The following TMEM108 variants were observed in gnomAD, a reference collection of about 807,000 sequenced individuals.
TMEM108 encodes the protein transmembrane protein 108.
A neutral mutation model predicts 35.1 loss-of-function variants in TMEM108; 12 were observed. The ratio of observed to expected loss-of-function variants is 0.34; its 90% CI spans 0.22 to 0.55. TMEM108 has a LOEUF of 0.55. Ranked by LOEUF, TMEM108 falls within the 20% of genes least tolerant of loss-of-function variation. The probability of loss-of-function intolerance (pLI) is 0.89; values close to 1 mark genes in which losing one functional copy is unlikely to be tolerated. For synonymous variants in TMEM108, 287 were observed against 308.6 expected (o/e 0.93, Z 0.73); for missense variants, 680 against 753.3 (o/e 0.90, Z 1.14).
At position 133,064,065 on chromosome 3, in the gene TMEM108, T is replaced by C. The variant is rs78575641; in HGVS notation, c.-47+18045T>C. ...CCCAGTTACTTGTGTTTCTTTTGTCTGGACAGAAGAAAGCGGTAATGTCTG... is the reference window on the plus strand; with the variant it reads ...CCCAGTTACTTGTGTTTCTTTTGTCCGGACAGAAGAAAGCGGTAATGTCTG... On this transcript the variant is annotated intron_variant, in intron 2 of 5. Transcript: ENST00000321871. 4.8e-3 allele frequency among the ~76,000 whole-genome samples: 729 copies of C among 152,292 alleles called. 2 individuals carry two copies. Among genetic ancestry groups the C allele is most frequent in the African/African-American group, 0.017 (687 of 41,562 alleles).
intron 3 of TMEM108, among the ~76,000 whole-genome samples, chr3:133,258,724 A>G (rs185618964): frequency 6.6e-6 from 1 of 152,310 alleles, no homozygotes; most frequent in East Asian, 1.9e-4. Flanking sequence ...CTTTGCATGA[A>G]GCAAAAGGAA....
At chr3:133,254,691 C>T (rs1462742521) in intron 3 of TMEM108, among the ~76,000 whole-genome samples, 3 of 152,184 alleles carry the variant, frequency 2.0e-5, no homozygotes, top group Admixed American at 2.0e-4. Context: ...TGAATATGAA[C>T]TACTTGATAT....
At chr3:133,363,563 A>G (rs2072419594) in intron 3 of TMEM108, among the ~76,000 whole-genome samples, 1 of 151,650 alleles carries the variant, frequency 6.6e-6, no homozygotes, top group Non-Finnish European at 1.5e-5. Flanking sequence ...GCACCACCAC[A>G]CCCAGCTAAT....
At chr3:133,377,753 G>A (rs2107833397) in intron 3 of TMEM108, among the ~76,000 whole-genome samples, 1 of 152,330 alleles carries the variant, frequency 6.6e-6, no homozygotes, top group African/African-American at 2.4e-5. Flanking sequence ...TGGCCTGTTA[G>A]GAACCAGGCT....
intron 2 of TMEM108, among the ~76,000 whole-genome samples, chr3:133,212,951 G>A (rs1945855173): frequency 6.6e-6 from 1 of 151,516 alleles, no homozygotes; most frequent in Non-Finnish European, 1.5e-5. Flanking sequence ...GGAAGTGAAG[G>A]ATATTCCTGC....
intron 3 of TMEM108, among the ~76,000 whole-genome samples, chr3:133,378,827 TTCAAAAGGGCTCCTTCTAC>T (rs1184457885): frequency 6.6e-6 from 1 of 151,254 alleles, no homozygotes; most frequent in Non-Finnish European, 1.5e-5. Flanking sequence ...TTTTTTAATG[TTCAAAAGGGCTCCTTCTAC>T]TCAAAAAGGC....
At chr3:133,189,232 T>C (rs1945464336) in intron 2 of TMEM108, among the ~76,000 whole-genome samples, 1 of 152,204 alleles carries the variant, frequency 6.6e-6, no homozygotes, top group Non-Finnish European at 1.5e-5. Flanking sequence ...ATCTAGTGGT[T>C]TGGCAAATAT....
intron 2 of TMEM108, among the ~76,000 whole-genome samples, chr3:133,070,007 G>C (rs1471541241): frequency 6.6e-6 from 1 of 152,002 alleles, no homozygotes; most frequent in Non-Finnish European, 1.5e-5. Flanking sequence ...TTTTTGCCCA[G>C]TCTTCTCTCA....
chr3:133,183,519 A>G (rs530615674), intron 2 of TMEM108, among the ~76,000 whole-genome samples: 3 of 152,304 alleles, frequency 2.0e-5, no homozygotes, highest in Admixed American at 2.0e-4. Flanking sequence ...TATGATGTAA[A>G]AAGAAAGGCC....
At chr3:133,285,057 G>A (rs926730243) in intron 3 of TMEM108, among the ~76,000 whole-genome samples, 2 of 151,468 alleles carry the variant, frequency 1.3e-5, no homozygotes. Context: ...TATCTTTTGA[G>A]CATCATAAAT....
intron 3 of TMEM108, among the ~76,000 whole-genome samples, chr3:133,351,619 C>A (rs765356106): frequency 5.3e-5 from 8 of 152,076 alleles, no homozygotes; most frequent in Non-Finnish European, 1.2e-4. Flanking sequence ...TAATAATAAT[C>A]GATCATAGCA....
chr3:133,254,415 TA>T (rs1366911843), intron 3 of TMEM108, among the ~76,000 whole-genome samples: 1 of 152,192 alleles, frequency 6.6e-6, no homozygotes, highest in Non-Finnish European at 1.5e-5. Flanking sequence ...AGATGCCATG[TA>T]AATAAAAATA....
intron 2 of TMEM108, among the ~76,000 whole-genome samples, chr3:133,201,002 G>A (rs1373880650): frequency 1.4e-5 from 2 of 145,162 alleles, no homozygotes; most frequent in African/African-American, 5.2e-5. Context: ...TAATTTTGGA[G>A]GATCATTTGG....
At chr3:133,104,382 T>C (rs2107717969) in intron 2 of TMEM108, among the ~76,000 whole-genome samples, 2 of 152,342 alleles carry the variant, frequency 1.3e-5, no homozygotes, top group South Asian at 4.1e-4. Context: ...GTTTCTCACC[T>C]CTTGAATTTC....
intron 2 of TMEM108, among the ~76,000 whole-genome samples, chr3:133,143,014 C>G (rs929399949): frequency 6.6e-6 from 1 of 152,156 alleles, no homozygotes; most frequent in African/African-American, 2.4e-5. Context: ...ACTTTTAACC[C>G]ATATTATACC....
intron 3 of TMEM108, among the ~76,000 whole-genome samples, chr3:133,341,354 A>G (rs1308327400): frequency 6.6e-6 from 1 of 151,732 alleles, no homozygotes; most frequent in East Asian, 1.9e-4. Context: ...AAAGATCTCT[A>G]CAATGAAAAC....
chr3:133,212,145 A>C (rs1051081641), intron 2 of TMEM108, among the ~76,000 whole-genome samples: 2 of 152,204 alleles, frequency 1.3e-5, no homozygotes, highest in Non-Finnish European at 2.9e-5. Context: ...TTTCTAGAAA[A>C]GTGCCCATGT....
At chr3:133,227,769 C>T (rs774613386) in intron 2 of TMEM108, among the ~76,000 whole-genome samples, 2 of 151,804 alleles carry the variant, frequency 1.3e-5, no homozygotes, top group African/African-American at 2.4e-5. Flanking sequence ...GTGGTGTGTG[C>T]CTATAATCCC....
Position 133,397,720 on chromosome 3 carries a change from C to A in TMEM108, c.*1734C>A, listed in dbSNP as rs2073325487. 6.6e-6 allele frequency: 1 copy of A among 152,006 alleles called. No individual in the cohort carries two copies. Among genetic ancestry groups the A allele is most frequent in the Non-Finnish European group, 1.5e-5 (1 of 68,010 alleles). The allele number at this position is 152,006 out of a possible 1,614,324, so 9.4% of individuals were successfully genotyped here. On this transcript the variant is annotated 3_prime_UTR_variant, in exon 6 of 6. Transcript: ENST00000321871. ...GGATGTATGACTTATTTTTCCTTAT[C>A]CACAGATTTCAGCTACCATGTATAT...
Sources: gnomAD v4.1 joint callset for allele counts (sites outside exome capture counted in the v4.1 genomes callset) on GRCh38, gnomAD v4.1.1 for gene constraint, MANE v1.5 for transcripts, NCBI Gene and HGNC (gene_info 2026-07-23, HGNC 2026-07-21) for gene names.